FSTL5: variants seen among roughly 807,000 people sequenced by gnomAD.
FSTL5 encodes the protein follistatin-related protein 5.
A neutral mutation model predicts 89.1 loss-of-function variants in FSTL5; 62 were observed. The observed-to-expected ratio is 0.70, with a 90% CI of 0.57 to 0.86. The LOEUF is 0.86. FSTL5 is among the 40% of genes least tolerant of loss of function. FSTL5 has a pLI of 0.00. For missense variants in FSTL5, 1,057 were observed against 1,001.6 expected (o/e 1.06, Z -0.75); for synonymous variants, 383 against 346.2 (o/e 1.11, Z -1.18).
At chr4:162,162,361 AACAGCTTT>A (rs1733729325) in intron 1 of FSTL5, among the ~76,000 whole-genome samples, 2 of 152,136 alleles carry the variant, frequency 1.3e-5, no homozygotes, top group Non-Finnish European at 2.9e-5. Flanking sequence ...TTAAGTACGA[AACAGCTTT>A]ATATTTAACT....
At chr4:161,701,957 G>T (rs1304553316) in intron 6 of FSTL5, among the ~76,000 whole-genome samples, 2 of 151,948 alleles carry the variant, frequency 1.3e-5, no homozygotes, top group African/African-American at 4.8e-5. Context: ...TCATTACAAT[G>T]ATATACTTTT....
intron 7 of FSTL5, among the ~76,000 whole-genome samples, chr4:161,611,158 GTA>G (rs1162566749): frequency 6.2e-5 from 9 of 144,736 alleles, no homozygotes; most frequent in Admixed American, 1.4e-4. Context: ...ATATGTGTGT[GTA>G]TATATATATG....
intron 8 of FSTL5, among the ~76,000 whole-genome samples, chr4:161,545,286 A>G (rs185103154): frequency 6.6e-6 from 1 of 152,194 alleles, no homozygotes; most frequent in Non-Finnish European, 1.5e-5. Context: ...CTGAAGTCAG[A>G]GTTGATTACT....
intron 6 of FSTL5, among the ~76,000 whole-genome samples, chr4:161,750,442 T>C (rs1313390685): frequency 2.0e-5 from 3 of 152,190 alleles, no homozygotes; most frequent in African/African-American, 7.2e-5. Flanking sequence ...ATGATAATAA[T>C]ATTTTGGACG....
intron 6 of FSTL5, among the ~76,000 whole-genome samples, chr4:161,673,583 G>A (rs114749014): frequency 3.6e-4 from 54 of 152,044 alleles, no homozygotes; most frequent in African/African-American, 1.3e-3. Context: ...ACAAAAGAAT[G>A]AGTACAACTC....
intron 3 of FSTL5, among the ~76,000 whole-genome samples, chr4:162,006,317 C>G (rs1048257627): frequency 3.3e-5 from 5 of 151,868 alleles, no homozygotes; most frequent in Non-Finnish European, 5.9e-5. Context: ...TCACCTAGAT[C>G]ACTTGTGGAT....
intron 3 of FSTL5, among the ~76,000 whole-genome samples, chr4:161,980,210 A>G (rs1226087864): frequency 6.6e-6 from 1 of 151,430 alleles, no homozygotes; most frequent in African/African-American, 2.4e-5. Flanking sequence ...AGAGAGAAAA[A>G]GGAAAGGAAA....
intron 1 of FSTL5, among the ~76,000 whole-genome samples, chr4:162,159,871 G>C (rs933055675): frequency 6.6e-6 from 1 of 151,800 alleles, no homozygotes. Context: ...CAGCATGAGA[G>C]GTTCTAAATG....
At chr4:161,795,592 A>G (rs1044878372) in intron 4 of FSTL5, among the ~76,000 whole-genome samples, 2 of 152,136 alleles carry the variant, frequency 1.3e-5, no homozygotes, top group African/African-American at 4.8e-5. Flanking sequence ...CGAAGCAAAC[A>G]AACAATCCAT....
rs559541790 is a variant in FSTL5, at chr4:161,938,933, G to A, written c.161-18281C>T. 2.0e-3 allele frequency among the ~76,000 whole-genome samples: 304 copies of A among 151,868 alleles called. 1 individual carries two copies. Among genetic ancestry groups the A allele is most frequent in the African/African-American group, 6.9e-3 (287 of 41,466 alleles). ...GGTTTCCAGCATCAAATGTTAATTA[G>A]CTTATTAATCAATAATTTAAAAATC... On this transcript the variant is annotated intron_variant, in intron 3 of 15. Transcript: ENST00000306100.
intron 1 of FSTL5, among the ~76,000 whole-genome samples, chr4:162,128,342 C>T (rs1732165319): frequency 6.6e-6 from 1 of 152,126 alleles, no homozygotes; most frequent in Admixed American, 6.5e-5. Context: ...CTTTGAAATC[C>T]TAACAACCAA....
At chr4:161,584,623 T>C (rs956216986) in intron 8 of FSTL5, among the ~76,000 whole-genome samples, 1 of 152,184 alleles carries the variant, frequency 6.6e-6, no homozygotes, top group Non-Finnish European at 1.5e-5. Context: ...GAAGTGTTCT[T>C]GATTTTTTCA....
intron 7 of FSTL5, among the ~76,000 whole-genome samples, chr4:161,612,233 G>A (rs1001581363): frequency 6.6e-6 from 1 of 152,114 alleles, no homozygotes; most frequent in Non-Finnish European, 1.5e-5. Context: ...AAAATATAGA[G>A]GAAATGAATT....
rs193143774 is a variant in FSTL5 at position 162,101,651 on chromosome 4, T to G, written c.126+9620A>C. 3.9e-5 allele frequency among the ~76,000 whole-genome samples: 6 copies of G among 152,324 alleles called. No individual in the cohort carries two copies. The East Asian group carries it at 1.2e-3, about 29-fold the overall frequency. On this transcript the variant is annotated intron_variant, in intron 2 of 15. Coordinates refer to ENST00000306100, the MANE Select transcript of FSTL5 (RefSeq NM_020116.5). Reference sequence around the variant, plus strand: ...AAACTCAGTTCATATGTGAAGGAACTAAGGCAAGAAATAATGGAATAAGTA... The same window carrying G: ...AAACTCAGTTCATATGTGAAGGAACGAAGGCAAGAAATAATGGAATAAGTA...
At chr4:161,659,702 C>A (rs994058132) in intron 6 of FSTL5, among the ~76,000 whole-genome samples, 12 of 151,958 alleles carry the variant, frequency 7.9e-5, no homozygotes, top group African/African-American at 2.9e-4. Context: ...CTGTAAATTG[C>A]CTCTGAGTGT....
At chr4:161,731,010 ATT>A (rs1179204625) in intron 6 of FSTL5, among the ~76,000 whole-genome samples, 1 of 152,176 alleles carries the variant, frequency 6.6e-6, no homozygotes, top group Non-Finnish European at 1.5e-5. Context: ...AAGATTATGT[ATT>A]TTTTATTATA....
chr4:161,554,652 T>C (rs1363773506), intron 8 of FSTL5, among the ~76,000 whole-genome samples: 2 of 151,672 alleles, frequency 1.3e-5, no homozygotes, highest in African/African-American at 4.8e-5. Context: ...GCACTGACTA[T>C]TTTTTCCTTT....
At chr4:161,790,999 C>T (rs1729451206) in intron 4 of FSTL5, among the ~76,000 whole-genome samples, 2 of 400 alleles carry the variant, frequency 5.0e-3, no homozygotes, top group South Asian at 0.17. Flanking sequence ...TTTGAAAGAT[C>T]TAGATCTAGA....
chr4:162,133,091 C>T (rs1732376385), intron 1 of FSTL5, among the ~76,000 whole-genome samples: 2 of 152,264 alleles, frequency 1.3e-5, no homozygotes, highest in African/African-American at 4.8e-5. Context: ...GGACTACAGG[C>T]GCCCACCGCC....
Sources: gnomAD v4.1 joint callset for allele counts (sites outside exome capture counted in the v4.1 genomes callset) on GRCh38, gnomAD v4.1.1 for gene constraint, MANE v1.5 for transcripts, NCBI Gene and HGNC (gene_info 2026-07-23, HGNC 2026-07-21) for gene names.